The following TREH variants were observed in gnomAD, a reference collection of about 807,000 sequenced individuals.
TREH encodes trehalase, also known as alpha,alpha-trehalose glucohydrolase.
In TREH, 69 loss-of-function variants were observed where a neutral mutation model predicts 80.5. The ratio of observed to expected loss-of-function variants is 0.86; its 90% CI spans 0.71 to 1.05. The LOEUF is 1.05. Among genes scored for constraint, TREH ranks in the 50% least tolerant of loss-of-function variants. TREH has a pLI of 0.00. For synonymous variants in TREH, 309 were observed against 293.5 expected (o/e 1.05, Z -0.54); for missense variants, 716 against 718.8 (o/e 1.00, Z 0.04).
intron 4 of TREH, 93 bp downstream of exon 4, chr11:118,662,788 C>G (rs1949338152): frequency 7.0e-7 from 1 of 1,431,834 alleles, no homozygotes; most frequent in Non-Finnish European, 9.6e-7. Context: ...GAAAGGAAAC[C>G]TGATCTGTGC....
At chr11:118,667,448 G>GCTTCAAGTGATCCTCCCA (rs1949388720) in intron 1 of TREH, among the ~76,000 whole-genome samples, 2 of 151,934 alleles carry the variant, frequency 1.3e-5, no homozygotes, top group African/African-American at 4.8e-5. Flanking sequence ...TGATCCTCCC[G>GCTTCAAGTGATCCTCCCA]GCTTGGCCTC....
chr11:118,660,550 T>C lies in TREH; in HGVS notation c.1091A>G (p.Tyr364Cys), dbSNP rs367747535. 53 of 1,604,720 alleles carry C rather than the reference T, an allele frequency of 3.3e-5. No homozygotes were observed. The highest frequency in any genetic ancestry group is 4.4e-5 in the Non-Finnish European group (52 of 1,174,480). ...CQAEELMSNF[Y>C]SRLGNDSQAT... ...ACTGGGGTGCTCACCCAGCCTGGAA[T>C]AGAAGTTGCTCATCAGCTCCTCTGC... is the stretch of plus-strand genomic sequence containing the variant. Residue 364 changes from tyrosine to cysteine, a missense_variant, in exon 10 of 15, where the codon TAT becomes TGT. Physicochemically the swap from Tyr to Cys is radical, Grantham distance 194. Transcript: ENST00000264029.
In TREH at chr11:118,661,041, C is replaced by T; in HGVS notation, c.857+119G>A. 6.4e-7 allele frequency: 1 copy of T among 1,562,520 alleles called. No homozygotes were observed. The highest frequency in any genetic ancestry group is 1.9e-5 in the Admixed American group (1 of 53,676). On this transcript the variant is annotated intron_variant, in intron 8 of 14. Coordinates refer to ENST00000264029, the MANE Select transcript of TREH (RefSeq NM_007180.3). This position sits in a 1 kb window ranked among gnomAD's most constrained non-coding sequence, Gnocchi z 4.2. ...CCACAGCCCAGGATTGCAGAGGGCT[C>T]TCGGTGTCACCATCTGAGAGGCCAG...
chr11:118,679,444 C>T, intron 1 of TREH, 95 bp downstream of exon 1: 1 of 1,334,840 alleles, frequency 7.5e-7, no homozygotes. Flanking sequence ...ATAATCTCTT[C>T]CTTTCCCTCT....
rs781933716 is a variant in TREH, at chr11:118,661,918, C to T, written c.496G>A (p.Gly166Ser). 6.4e-7 allele frequency: 1 copy of T among 1,556,010 alleles called. No individual in the cohort carries two copies. The highest frequency in any genetic ancestry group is 1.2e-5 in the South Asian group (1 of 84,466). Residue 166 changes from glycine (G) to serine (S), a missense_variant, in exon 5 of 15, where the codon GGC becomes AGC. Transcript: ENST00000264029. This position sits in a 1 kb window ranked among gnomAD's most constrained non-coding sequence, Gnocchi z 4.2. ...TAGTAGAACTCAACAAAGCGACCGC[C>T]AGGCACAATGAAGGGATGTTCTGAG... ...IYSEHPFIVPGGRFVEFYYWD... is the reference protein window; with the variant it reads ...IYSEHPFIVPSGRFVEFYYWD...
intron 1 of TREH, among the ~76,000 whole-genome samples, chr11:118,669,024 A>G (rs1949406821): frequency 6.6e-6 from 1 of 152,240 alleles, no homozygotes; most frequent in Admixed American, 6.5e-5. Context: ...AAAAGCAGAC[A>G]TACATTCCCT....
In TREH at chr11:118,661,481, C is replaced by T. The variant is rs782307893; in HGVS notation, c.646G>A (p.Val216Met). 32 of 1,613,502 alleles carry T rather than the reference C, an allele frequency of 2.0e-5. No individual in the cohort carries two copies. Among genetic ancestry groups the T allele is most frequent in the East Asian group, 1.3e-4 (6 of 44,852 alleles). The change falls in exon 7 of 15, where the codon GTG (valine) becomes ATG (methionine). Residue 216 changes from valine (V) to methionine (M), a missense_variant. Physicochemically the swap from Val to Met is conservative, Grantham distance 21. Coordinates refer to ENST00000264029, the MANE Select transcript of TREH (RefSeq NM_007180.3). The surrounding 1 kb of genome is among the most constrained non-coding windows in gnomAD (Gnocchi z 4.2). ...TYGHVPNGGR[V>M]YYLQRSQPPL... is the part of the protein sequence containing the mutation. ...GGCTGGCTCCGCTGCAGGTAGTACA[C>T]GCGCCCACCATTGGGGACATGCCCA...
chr11:118,679,085 T>A (rs1949507957), intron 1 of TREH, among the ~76,000 whole-genome samples: 1 of 152,310 alleles, frequency 6.6e-6, no homozygotes, highest in East Asian at 1.9e-4. Flanking sequence ...GTATCAGGAC[T>A]GCAGGTCCCG....
At chr11:118,660,372 G>A (rs1949305870) in intron 10 of TREH, among the ~76,000 whole-genome samples, 167 bp downstream of exon 10, 2 of 152,188 alleles carry the variant, frequency 1.3e-5, no homozygotes, top group African/African-American at 4.8e-5. Flanking sequence ...GGCTCCGTTT[G>A]TTCTCTTGTC....
intron 3 of TREH, 29 bp downstream of exon 3, chr11:118,663,023 C>G (rs1555145275): frequency 6.2e-7 from 1 of 1,611,170 alleles, no homozygotes; most frequent in Non-Finnish European, 8.5e-7. Context: ...TGGAAGGAAC[C>G]CTCTCTTGTT....
intron 1 of TREH, among the ~76,000 whole-genome samples, chr11:118,668,297 A>G (rs1949397460): frequency 1.3e-5 from 2 of 152,154 alleles, no homozygotes; most frequent in South Asian, 2.1e-4. Context: ...CACATCAAAA[A>G]AAAAAAATAA....
chr11:118,663,277 G>A (rs1949345503), intron 2 of TREH, 62 bp downstream of exon 2: 2 of 1,563,210 alleles, frequency 1.3e-6, no homozygotes, highest in Non-Finnish European at 1.7e-6. Flanking sequence ...ACTTGGTCTT[G>A]CCCCCTGCCT....
chr11:118,672,930 G>C (rs1301175424), intron 1 of TREH, among the ~76,000 whole-genome samples: 1 of 151,914 alleles, frequency 6.6e-6, no homozygotes, highest in African/African-American at 2.4e-5. Context: ...AAAAGAAAAT[G>C]GTATAGTCAT....
chr11:118,662,661 A>C, intron 4 of TREH: 1 of 551,960 alleles, frequency 1.8e-6, no homozygotes, highest in Non-Finnish European at 3.2e-6. Context: ...TGGGGAGGCT[A>C]GGGAGCCTTC....
chr11:118,671,449 A>G (rs575749873), intron 1 of TREH, among the ~76,000 whole-genome samples: 1 of 152,192 alleles, frequency 6.6e-6, no homozygotes, highest in South Asian at 2.1e-4. Flanking sequence ...CAGAAGAAAG[A>G]ATTAGTGAGC....
chr11:118,658,516 C>T (rs1949251636), intron 14 of TREH, 75 bp from the exon 15 acceptor site: 2 of 1,552,468 alleles, frequency 1.3e-6, no homozygotes, highest in African/African-American at 1.4e-5. Flanking sequence ...GGCTCTCTCC[C>T]CAGGGGCACT....
Position 118,658,443 on chromosome 11 carries a change from TGGGAGAGGCA to T in TREH, c.1600-12_1600-3del. On this transcript the variant is annotated splice_region_variant and splice_polypyrimidine_tract_variant and intron_variant, in intron 14 of 14. Coordinates refer to ENST00000264029, the MANE Select transcript of TREH (RefSeq NM_007180.3). The stretch of plus-strand genomic sequence containing the variant: ...GCCATTCGTCCAGCCAAATCCCTCC[TGGGAGAGGCA>T]GGGCAGTGGGGCCAGTTTCTGGGGA... The T allele has an allele frequency of 8.7e-6, 14 of 1,610,792 alleles. No homozygotes were observed. The highest frequency in any genetic ancestry group is 1.2e-5 in the Non-Finnish European group (14 of 1,179,248).
intron 1 of TREH, among the ~76,000 whole-genome samples, chr11:118,678,544 A>G (rs504206): frequency 0.35 from 51,790 of 149,084 alleles, 9,083 homozygotes; most frequent in Admixed American, 0.48. Flanking sequence ...TGTATTTTTC[A>G]TAGAGATGGG....
chr11:118,667,611 G>C (rs1220401194), intron 1 of TREH, among the ~76,000 whole-genome samples: 1 of 152,156 alleles, frequency 6.6e-6, no homozygotes, highest in African/African-American at 2.4e-5. Flanking sequence ...AGGCCTTATG[G>C]CATACTCAAA....
Sources: allele counts gnomAD v4.1 joint callset (sites outside exome capture counted in the v4.1 genomes callset), GRCh38; gene constraint gnomAD v4.1.1; non-coding constraint Gnocchi (gnomAD v3.1); transcripts MANE v1.5; gene names NCBI Gene and HGNC (gene_info 2026-07-23, HGNC 2026-07-21).